Variants in VNN2 observed in about 807,000 individuals in gnomAD.
The protein encoded by VNN2 is vanin 2.
VNN2 carries 43 observed loss-of-function variants against 43.0 expected under a neutral mutation model. That is an observed-to-expected ratio of 1.00 (90% CI 0.78 to 1.29). The LOEUF is 1.29. Ranked by LOEUF, VNN2 falls within the 50% of genes most tolerant of loss-of-function variation. The probability of loss-of-function intolerance (pLI) is 0.00; values close to 1 mark genes in which losing one functional copy is unlikely to be tolerated. For missense variants in VNN2, 652 were observed against 619.7 expected, an observed-to-expected ratio of 1.05 and a Z score of -0.55; for synonymous variants, 230 against 224.3, an observed-to-expected ratio of 1.03 and a Z score of -0.23.
At chr6:132,762,581 C>T (rs1410852126), upstream of VNN2, among the ~76,000 whole-genome samples, 1 of 152,156 alleles carries the variant, frequency 6.6e-6, no homozygotes, top group Middle Eastern at 3.2e-3. Context: ...GCAAGGTTGC[C>T]TTGAAAAGAA....
upstream of VNN2, among the ~76,000 whole-genome samples, chr6:132,759,515 A>G (rs568131276): frequency 3.0e-4 from 46 of 151,712 alleles, no homozygotes; most frequent in African/African-American, 7.3e-4. Context: ...TAGGACATTC[A>G]TATTCTCCCT....
chr6:132,744,308 T>C lies in VNN2; in HGVS notation c.1555A>G (p.Met519Val). 5.6e-6 allele frequency: 9 copies of C among 1,612,120 alleles called. No individual in the cohort carries two copies. Among genetic ancestry groups the C allele is most frequent in the Non-Finnish European group, 7.6e-6 (9 of 1,179,462 alleles). ...LMIIALQNIV[M>V]L Reference sequence around the variant, plus strand: ...AGTGATAAAGAGACGCCCTATAACATTACAATATTTTGCAAAGCTATGATC... The same window carrying C: ...AGTGATAAAGAGACGCCCTATAACACTACAATATTTTGCAAAGCTATGATC... Residue 519 changes from methionine (M) to valine (V), a missense_variant, in exon 7 of 7, where the codon ATG becomes GTG. Coordinates refer to ENST00000326499, the MANE Select transcript of VNN2 (RefSeq NM_004665.6).
In VNN2 at chr6:132,757,800, A is replaced by T; in HGVS notation, c.84T>A (p.Ala28=). ...LQVGTQDSFI[A]AVYEHAVILP... ...AAATGACAGCATGTTCATACACTGCAGCTATAAAACTGTCCTGAGTACCAA... is the reference window on the plus strand; with the variant it reads ...AAATGACAGCATGTTCATACACTGCTGCTATAAAACTGTCCTGAGTACCAA... The change falls in exon 1 of 7, where the codon GCT becomes GCA. Residue 28 remains alanine (A), a synonymous_variant. Transcript: ENST00000326499. 2 of 1,614,168 alleles carry T rather than the reference A, an allele frequency of 1.2e-6. No individual in the cohort carries two copies. The highest frequency in any genetic ancestry group is 8.5e-7 in the Non-Finnish European group (1 of 1,180,034).
At chr6:132,758,039 C>CTTCTTTTTTT (rs1488070973), upstream of VNN2, 2 of 160,500 alleles carry the variant, frequency 1.2e-5, no homozygotes, top group Admixed American at 1.1e-4. Flanking sequence ...TCTTCTTCTT[C>CTTCTTTTTTT]TTTTTTTTTT....
At chr6:132,758,226 G>T (rs1338421781), upstream of VNN2, among the ~76,000 whole-genome samples, 1 of 151,608 alleles carries the variant, frequency 6.6e-6, no homozygotes, top group Non-Finnish European at 1.5e-5. Context: ...TGTATTTTTA[G>T]TAGAGATGGG....
chr6:132,749,867 T>C lies in VNN2; in HGVS notation c.1201-2A>G, dbSNP rs1347003796. ...TTTGCACTTCAGCAGTGTGCAGACC[T>C]ATGTGGAACAAACGCAGATAAAACG... On this transcript the variant is annotated splice_acceptor_variant, in intron 5 of 6. Coordinates refer to ENST00000326499, the MANE Select transcript of VNN2 (RefSeq NM_004665.6). LOFTEE classifies it high-confidence loss of function. 1.2e-6 allele frequency: 2 copies of C among 1,608,912 alleles called. No individual in the cohort carries two copies. The highest frequency in any genetic ancestry group is 2.2e-5 in the South Asian group (2 of 89,874).
intron 6 of VNN2, among the ~76,000 whole-genome samples, chr6:132,748,158 TTC>T (rs1373567333): frequency 6.6e-6 from 1 of 152,210 alleles, no homozygotes; most frequent in Non-Finnish European, 1.5e-5. Context: ...TGACCCTGAT[TTC>T]TCTCTCTCAC....
At chr6:132,748,576 C>G (rs965355154) in intron 6 of VNN2, among the ~76,000 whole-genome samples, 1 of 152,144 alleles carries the variant, frequency 6.6e-6, no homozygotes, top group African/African-American at 2.4e-5. Flanking sequence ...TGATTTCACC[C>G]TAGTTACTGA....
At position 132,751,362 on chromosome 6, in the gene VNN2, T is replaced by C. The variant is rs1780080477; in HGVS notation, c.983A>G (p.Lys328Arg). 6.2e-7 allele frequency: 1 copy of C among 1,614,006 alleles called. No homozygotes were observed. ...VNWNAYATTIKPFPVQKNTFR... is the reference protein window; with the variant it reads ...VNWNAYATTIRPFPVQKNTFR... ...AGTGTTTTTCTGTACTGGAAATGGTTTGATGGTGGTGGCGTAGGCATTCCA... is the reference window on the plus strand; with the variant it reads ...AGTGTTTTTCTGTACTGGAAATGGTCTGATGGTGGTGGCGTAGGCATTCCA... The change falls in exon 5 of 7, where the codon AAA (lysine) becomes AGA (arginine). Residue 328 changes from lysine (K) to arginine (R), a missense_variant. By Grantham distance (26) the Lys-to-Arg change is conservative (BLOSUM62 2). Coordinates refer to ENST00000326499, the MANE Select transcript of VNN2 (RefSeq NM_004665.6).
upstream of VNN2, chr6:132,758,039 C>CTTCTTCTTCTTCTTCTT: frequency 1.2e-5 from 2 of 165,042 alleles, no homozygotes; most frequent in South Asian, 1.4e-4. Context: ...TCTTCTTCTT[C>CTTCTTCTTCTTCTTCTT]TTTTTTTTTT....
rs987127140 is a variant in VNN2 at position 132,752,661 on chromosome 6, A to G, written c.626T>C (p.Phe209Ser). 2.0e-5 allele frequency: 32 copies of G among 1,614,098 alleles called. No individual in the cohort carries two copies. Among genetic ancestry groups the G allele is most frequent in the Non-Finnish European group, 2.5e-5 (30 of 1,180,038 alleles). ...ATAGAAGAATATATCAAAGCACGTG[A>G]AAATGCCAAACCTTCCAAATGCGGT... is the stretch of plus-strand genomic sequence containing the variant. Reference protein sequence around the residue: ...FNTAFGRFGIFTCFDIFFYDP... With the variant: ...FNTAFGRFGISTCFDIFFYDP... The change falls in exon 4 of 7, where the codon TTC (phenylalanine) becomes TCC (serine). Residue 209 changes from phenylalanine to serine, a missense_variant. Coordinates refer to ENST00000326499, the MANE Select transcript of VNN2 (RefSeq NM_004665.6).
At chr6:132,761,247 G>A (rs1003563056), upstream of VNN2, among the ~76,000 whole-genome samples, 3 of 151,758 alleles carry the variant, frequency 2.0e-5, no homozygotes, top group East Asian at 1.9e-4. Flanking sequence ...ATTGTAATTC[G>A]TTGCTAAAAG....
chr6:132,744,293 A>C lies in VNN2; in HGVS notation c.*7T>G. 2 of 1,600,428 alleles carry C rather than the reference A, an allele frequency of 1.2e-6. No homozygotes were observed. Among genetic ancestry groups the C allele is most frequent in the Non-Finnish European group, 1.7e-6 (2 of 1,175,858 alleles). On this transcript the variant is annotated 3_prime_UTR_variant, in exon 7 of 7. Coordinates refer to ENST00000326499, the MANE Select transcript of VNN2 (RefSeq NM_004665.6). ...ATGATGCAGAAGCTGAGTGATAAAG[A>C]GACGCCCTATAACATTACAATATTT...
rs768419127 is a variant in VNN2 at position 132,752,616 on chromosome 6, A to G, written c.671T>C (p.Val224Ala). 7.4e-6 allele frequency: 12 copies of G among 1,614,194 alleles called. No homozygotes were observed. Among genetic ancestry groups the G allele is most frequent in the Non-Finnish European group, 9.3e-6 (11 of 1,180,028 alleles). Residue 224 changes from valine to alanine, a missense_variant, in exon 4 of 7, where the codon GTG becomes GCG. Physicochemically the swap from Val to Ala is moderately conservative, Grantham distance 64 (BLOSUM62 0). Coordinates refer to ENST00000326499, the MANE Select transcript of VNN2 (RefSeq NM_004665.6). ...IFFYDPGVTLVKDFHVDTILF... is the reference protein window; with the variant it reads ...IFFYDPGVTLAKDFHVDTILF... ...TATGGTGTCCACATGGAAATCTTTC[A>G]CCAGGGTAACACCAGGATCATAGAA...
chr6:132,749,885 A>G lies in VNN2; in HGVS notation c.1201-20T>C. The G allele has an allele frequency of 1.2e-6, 2 of 1,601,680 alleles. No homozygotes were observed. Among genetic ancestry groups the G allele is most frequent in the South Asian group, 1.1e-5 (1 of 89,006 alleles). On this transcript the variant is annotated intron_variant, in intron 5 of 6. Transcript: ENST00000326499. ...GCAGACCTATGTGGAACAAACGCAGATAAAACGCAATGCCTTACATTGAAG... is the reference window on the plus strand; with the variant it reads ...GCAGACCTATGTGGAACAAACGCAGGTAAAACGCAATGCCTTACATTGAAG...
intron 6 of VNN2, among the ~76,000 whole-genome samples, chr6:132,747,222 C>G (rs1582814749): frequency 6.6e-6 from 1 of 152,172 alleles, no homozygotes; most frequent in Non-Finnish European, 1.5e-5. Context: ...TTGAGACCTA[C>G]TGATACCATA....
At chr6:132,754,128 A>G (rs1780311860) in intron 3 of VNN2, among the ~76,000 whole-genome samples, 1 of 152,162 alleles carries the variant, frequency 6.6e-6, no homozygotes, top group Non-Finnish European at 1.5e-5. Context: ...GTCCACATTC[A>G]GTGCACTGTG....
In VNN2 at chr6:132,757,484, A is replaced by C. The variant is rs1780547345; in HGVS notation, c.276T>G (p.Thr92=). The C allele has an allele frequency of 1.2e-6, 2 of 1,613,880 alleles. No individual in the cohort carries two copies. Among genetic ancestry groups the C allele is most frequent in the Non-Finnish European group, 1.7e-6 (2 of 1,179,886 alleles). Residue 92 remains threonine (T), a synonymous_variant, in exon 2 of 7, where the codon ACT becomes ACG. Transcript: ENST00000326499. The part of the protein sequence containing the change: ...ALYGWKFTRE[T]VFPYLEDIPD... Reference sequence around the variant, plus strand: ...GGATATCCTCCAGATAAGGGAAAACAGTTTCCCTGGTAAATTTCCATCCAT... The same window carrying C: ...GGATATCCTCCAGATAAGGGAAAACCGTTTCCCTGGTAAATTTCCATCCAT...
At chr6:132,762,805 A>T (rs1780768395), upstream of VNN2, among the ~76,000 whole-genome samples, 1 of 152,260 alleles carries the variant, frequency 6.6e-6, no homozygotes, top group Non-Finnish European at 1.5e-5. Context: ...ATTGCCAATC[A>T]TCACTGTTTT....
Sources: allele counts gnomAD v4.1 joint callset (sites outside exome capture counted in the v4.1 genomes callset), GRCh38; gene constraint gnomAD v4.1.1; transcripts MANE v1.5; gene names NCBI Gene and HGNC (gene_info 2026-07-23, HGNC 2026-07-21).